HDGFL2: variants seen among roughly 807,000 people sequenced by gnomAD.
The protein encoded by HDGFL2 is hepatoma-derived growth factor-related protein 2.
HDGFL2 carries 36 observed loss-of-function variants against 77.1 expected under a neutral mutation model. The observed-to-expected ratio is 0.47, with a 90% CI of 0.36 to 0.62. HDGFL2 has a LOEUF of 0.62. Ranked by LOEUF, HDGFL2 falls within the 20% of genes least tolerant of loss-of-function variation. The pLI is 0.00. For missense variants in HDGFL2, 976 were observed against 973.4 expected (o/e 1.00, Z -0.04); for synonymous variants, 463 against 413.1 (o/e 1.12, Z -1.46).
intron 1 of HDGFL2, among the ~76,000 whole-genome samples, chr19:4,472,986 G>A (rs1184328181): frequency 2.0e-5 from 3 of 151,012 alleles, no homozygotes; most frequent in African/African-American, 7.3e-5. Context: ...GTGTATGAGG[G>A]TTTTGGGGCT....
chr19:4,485,891 A>T (rs1198724399), intron 3 of HDGFL2, among the ~76,000 whole-genome samples: 1 of 149,562 alleles, frequency 6.7e-6, no homozygotes. Context: ...TACAAAAAAA[A>T]AATACAAAAA....
rs986523492 is a variant in HDGFL2 at position 4,475,475 on chromosome 19, C to G, written c.180C>G (p.Pro60=). 6.2e-7 allele frequency: 1 copy of G among 1,611,672 alleles called. No homozygotes were observed. The highest frequency in any genetic ancestry group is 8.5e-7 in the Non-Finnish European group (1 of 1,179,430). The change falls in exon 3 of 16, where the codon CCC becomes CCG. Residue 60 remains proline (P), a synonymous_variant. Transcript: ENST00000616600. ...TCCTGGGACCCAAGGACCTGTTCCC[C>G]TACGACAAATGTAAAGACAAGTACG... ...TAFLGPKDLF[P]YDKCKDKYGK...
intron 1 of HDGFL2, among the ~76,000 whole-genome samples, chr19:4,473,402 G>A (rs1020108901): frequency 6.6e-6 from 1 of 151,722 alleles, no homozygotes; most frequent in Non-Finnish European, 1.5e-5. Flanking sequence ...TCAGGGAGCC[G>A]TGCGCAGGGT....
At chr19:4,485,061 C>G (rs903238508) in intron 3 of HDGFL2, among the ~76,000 whole-genome samples, 1 of 152,148 alleles carries the variant, frequency 6.6e-6, no homozygotes, top group African/African-American at 2.4e-5. Context: ...CTGCCTTGGC[C>G]TCCCAAAGTG....
chr19:4,472,690 C>G (rs1312099861), intron 1 of HDGFL2, among the ~76,000 whole-genome samples: 1 of 148,718 alleles, frequency 6.7e-6, no homozygotes, highest in Non-Finnish European at 1.5e-5. Flanking sequence ...GTCTAGGGAT[C>G]CTGGGCCTCA....
chr19:4,492,961 T>TTATC (rs879534524), intron 6 of HDGFL2, among the ~76,000 whole-genome samples: 8,898 of 127,686 alleles, frequency 0.07, 354 homozygotes, highest in African/African-American at 0.11. Context: ...TGCGTGTGAG[T>TTATC]TGTCTGTGGT....
intron 3 of HDGFL2, among the ~76,000 whole-genome samples, chr19:4,483,352 C>T (rs1026710830): frequency 5.9e-5 from 9 of 152,160 alleles, no homozygotes; most frequent in Non-Finnish European, 1.3e-4. Flanking sequence ...CCTCTCCTCC[C>T]GGCGCGGGAG....
At position 4,492,683 on chromosome 19, in the gene HDGFL2, CTG is replaced by C. The variant is rs763274455; in HGVS notation, c.678+851_678+852del. Among the ~76,000 whole-genome samples the C allele has an allele frequency of 4.8e-3, 643 of 134,558 alleles. 1 individual carries two copies. Among genetic ancestry groups the C allele is most frequent in the Non-Finnish European group, 8.5e-3 (534 of 62,868 alleles). 88.3% of individuals were successfully genotyped at this position (134,558 alleles called of 152,430 possible). A position where few individuals can be genotyped will look rare whatever the true frequency, so the allele number is the denominator to read the frequency against. On this transcript the variant is annotated intron_variant, in intron 6 of 15. Transcript: ENST00000616600. ...TGTGTGTGTCTGGTATGTGTGTTGT[CTG>C]TGGTGTGTGGTATGTGTTGTCTGTG...
chr19:4,497,642 A>G (rs1975742030), intron 10 of HDGFL2: 1 of 423,756 alleles, frequency 2.4e-6, no homozygotes, highest in East Asian at 4.7e-5. Flanking sequence ...GTCACCCTTG[A>G]GGGCCTTTTC....
intron 4 of HDGFL2, 69 bp downstream of exon 4, chr19:4,488,945 T>A: frequency 9.6e-6 from 10 of 1,038,784 alleles, no homozygotes; most frequent in South Asian, 1.6e-5. Context: ...CAGCTTGCTC[T>A]CCTGCCCTTT....
chr19:4,488,443 A>T (rs1459292730), intron 3 of HDGFL2, among the ~76,000 whole-genome samples: 1 of 152,006 alleles, frequency 6.6e-6, no homozygotes, highest in African/African-American at 2.4e-5. Flanking sequence ...CCCAGGTTTA[A>T]CCCTGAAGCC....
At chr19:4,483,430 C>T (rs1478526819) in intron 3 of HDGFL2, among the ~76,000 whole-genome samples, 2 of 152,348 alleles carry the variant, frequency 1.3e-5, no homozygotes, top group East Asian at 1.9e-4. Context: ...GTGGTTCCCT[C>T]CTCCTGGCCC....
At chr19:4,500,018 G>A (rs542628368) in intron 14 of HDGFL2, among the ~76,000 whole-genome samples, 1 of 141,580 alleles carries the variant, frequency 7.1e-6, no homozygotes, top group South Asian at 2.3e-4. Flanking sequence ...CAGAGAGGGG[G>A]GTGGCTCTGT....
chr19:4,488,342 C>T (rs1026315164), intron 3 of HDGFL2, among the ~76,000 whole-genome samples: 1 of 152,222 alleles, frequency 6.6e-6, no homozygotes, highest in African/African-American at 2.4e-5. Flanking sequence ...CACTTCCATG[C>T]TTTCCTGGTC....
intron 3 of HDGFL2, among the ~76,000 whole-genome samples, chr19:4,488,096 G>A (rs770616936): frequency 6.6e-6 from 1 of 151,972 alleles, no homozygotes; most frequent in Non-Finnish European, 1.5e-5. Flanking sequence ...TCGGCCTCCT[G>A]AGTAGCTGGG....
At position 4,494,172 on chromosome 19, in the gene HDGFL2, C is replaced by T. The variant is rs1975632532; in HGVS notation, c.921C>T (p.Ser307=). The change falls in exon 9 of 16, where the codon AGC becomes AGT. Residue 307 remains serine (S), a synonymous_variant. Coordinates refer to ENST00000616600, the MANE Select transcript of HDGFL2 (RefSeq NM_001001520.3). The part of the protein sequence containing the change: ...PPSSSSSDSD[S]DEVDRISEWK... ...CCGCCCCCTCCGCCTCCAGTGACAGCGACGAGGTGGACCGCATCAGTGAGT... is the reference window on the plus strand; with the variant it reads ...CCGCCCCCTCCGCCTCCAGTGACAGTGACGAGGTGGACCGCATCAGTGAGT... 2.7e-6 allele frequency: 4 copies of T among 1,492,816 alleles called. No homozygotes were observed. The highest frequency in any genetic ancestry group is 1.8e-6 in the Non-Finnish European group (2 of 1,123,820). 92.5% of individuals were successfully genotyped at this position (1,492,816 alleles called of 1,614,324 possible). A position where few individuals can be genotyped will look rare whatever the true frequency, so the allele number is the denominator to read the frequency against.
At chr19:4,496,246 G>A in intron 9 of HDGFL2, 56 bp from the exon 10 acceptor site, 1 of 1,416,714 alleles carries the variant, frequency 7.1e-7, no homozygotes. Flanking sequence ...ATGGGCTAGG[G>A]GTCTGGGTAA....
chr19:4,502,019 C>T lies in HDGFL2; in HGVS notation c.*9C>T, dbSNP rs369371735. 7.4e-5 allele frequency: 112 copies of T among 1,512,824 alleles called. No homozygotes were observed. Among genetic ancestry groups the T allele is most frequent in the Non-Finnish European group, 9.6e-5 (109 of 1,134,714 alleles). 93.7% of individuals were successfully genotyped at this position (1,512,824 alleles called of 1,614,324 possible). On this transcript the variant is annotated 3_prime_UTR_variant, in exon 16 of 16. Transcript: ENST00000616600. ...TGGACGAGGAGAGCTGAGCCGCGGG[C>T]AGCCAGGCCCAGCCCCCGCCCGAGC... is the stretch of plus-strand genomic sequence containing the variant.
chr19:4,492,105 AGAGT>A (rs889253422), intron 6 of HDGFL2, among the ~76,000 whole-genome samples: 5 of 152,178 alleles, frequency 3.3e-5, no homozygotes, highest in African/African-American at 9.7e-5. Context: ...TGAGAGTGAG[AGAGT>A]GAGAAAGCAA....
Sources: allele counts gnomAD v4.1 joint callset (sites outside exome capture counted in the v4.1 genomes callset), GRCh38; gene constraint gnomAD v4.1.1; transcripts MANE v1.5; gene names NCBI Gene and HGNC (gene_info 2026-07-23, HGNC 2026-07-21).